CDH23: variants seen among roughly 807,000 people sequenced by gnomAD.
CDH23 encodes the protein cadherin related 23.
In CDH23, 189 loss-of-function variants were observed where a neutral mutation model predicts 317.1. That is an observed-to-expected ratio of 0.60 (90% CI 0.53 to 0.67). The LOEUF is 0.67. Among genes scored for constraint, CDH23 ranks in the 30% least tolerant of loss-of-function variants. The probability of loss-of-function intolerance (pLI) is 0.00; values close to 1 mark genes in which losing one functional copy is unlikely to be tolerated. For missense variants in CDH23, 4,401 were observed against 4,592.4 expected, an observed-to-expected ratio of 0.96 and a Z score of 1.20; for synonymous variants, 1,839 against 1,876.8, an observed-to-expected ratio of 0.98 and a Z score of 0.52.
intron 11 of CDH23, among the ~76,000 whole-genome samples, chr10:71,625,555 C>G (rs1305829031): frequency 6.6e-6 from 1 of 152,014 alleles, no homozygotes; most frequent in Non-Finnish European, 1.5e-5. Flanking sequence ...TATCCGTCAC[C>G]CTCATTTTCC....
At chr10:71,814,394 AAC>A (rs1589441392) in intron 69 of CDH23, among the ~76,000 whole-genome samples, 1 of 152,336 alleles carries the variant, frequency 6.6e-6, no homozygotes, top group Middle Eastern at 3.4e-3. Flanking sequence ...CAGCCTGGGC[AAC>A]AGAGAGAAAC....
At chr10:71,712,872 G>A (rs950530239) in intron 28 of CDH23, 59 bp downstream of exon 28, 88 of 1,565,436 alleles carry the variant, frequency 5.6e-5, no homozygotes, top group African/African-American at 2.8e-4. Flanking sequence ...AGCCACACAC[G>A]GCCCTGAGGG....
rs1450434480 is a variant in CDH23, at chr10:71,549,093, G to A, written c.430-17649G>A. Among the ~76,000 whole-genome samples, 3 of 152,212 alleles carry A rather than the reference G, an allele frequency of 2.0e-5. No homozygotes were observed. In the East Asian group the frequency reaches 5.8e-4, roughly 29 times the overall value. ...CAGAGCCCCCAGACACCCAAATGTG[G>A]ATATGGCCCACTACTGATCAGCCAG... On this transcript the variant is annotated intron_variant, in intron 6 of 69. Coordinates refer to ENST00000224721, the MANE Select transcript of CDH23 (RefSeq NM_022124.6).
intron 3 of CDH23, among the ~76,000 whole-genome samples, chr10:71,466,033 G>A (rs1002991006): frequency 1.3e-5 from 2 of 152,166 alleles, no homozygotes; most frequent in African/African-American, 2.4e-5. Flanking sequence ...CCCCAGGGAC[G>A]GCTTCAACGC....
intron 8 of CDH23, among the ~76,000 whole-genome samples, chr10:71,571,664 A>G (rs1196062662): frequency 6.6e-6 from 1 of 152,212 alleles, no homozygotes; most frequent in Admixed American, 6.5e-5. Flanking sequence ...ACTTGAATGC[A>G]ACACCGGCTG....
chr10:71,615,630 G>A lies in CDH23; in HGVS notation c.945+14G>A, dbSNP rs1456096272. 12 of 1,576,084 alleles carry A rather than the reference G, an allele frequency of 7.6e-6. No homozygotes were observed. The highest frequency in any genetic ancestry group is 1.0e-5 in the Non-Finnish European group (12 of 1,145,858). Reference sequence around the variant, plus strand: ...CTGACTGTGAAGGTGAGACCTGGGTGGGCACCTTCACCCCAGGTAGAGGAG... The same window carrying A: ...CTGACTGTGAAGGTGAGACCTGGGTAGGCACCTTCACCCCAGGTAGAGGAG... On this transcript the variant is annotated intron_variant, in intron 10 of 69. Coordinates refer to ENST00000224721, the MANE Select transcript of CDH23 (RefSeq NM_022124.6).
At chr10:71,734,133 G>C in intron 32 of CDH23, 107 bp from the exon 33 acceptor site, 2 of 899,976 alleles carry the variant, frequency 2.2e-6, no homozygotes, top group South Asian at 1.4e-5. Flanking sequence ...TCCTGGGGAA[G>C]TTATGCCGGA....
At chr10:71,451,645 G>T (rs761000281) in intron 3 of CDH23, among the ~76,000 whole-genome samples, 1 of 152,200 alleles carries the variant, frequency 6.6e-6, no homozygotes, top group Non-Finnish European at 1.5e-5. Flanking sequence ...TGGGGGTTAA[G>T]TGCTGCTCCC....
intron 11 of CDH23, among the ~76,000 whole-genome samples, chr10:71,630,531 G>A (rs767303131): frequency 2.4e-4 from 37 of 152,198 alleles, no homozygotes; most frequent in Non-Finnish European, 4.9e-4. Context: ...AAGAGTGACT[G>A]CACAAGGTTT....
At chr10:71,765,490 CTGA>C (rs1840514694) in intron 38 of CDH23, among the ~76,000 whole-genome samples, 1 of 152,144 alleles carries the variant, frequency 6.6e-6, no homozygotes, top group South Asian at 2.1e-4. Flanking sequence ...GGTTGTTGGC[CTGA>C]GTGTCCCTGT....
chr10:71,769,417 CTAA>C (rs1281723701), intron 38 of CDH23, among the ~76,000 whole-genome samples: 3 of 152,110 alleles, frequency 2.0e-5, no homozygotes, highest in Non-Finnish European at 4.4e-5. Context: ...TGGCTTTCCA[CTAA>C]TGACAGCGAT....
intron 38 of CDH23, among the ~76,000 whole-genome samples, chr10:71,746,310 C>A (rs1050679743): frequency 6.6e-6 from 1 of 152,220 alleles, no homozygotes; most frequent in Admixed American, 6.5e-5. Context: ...AAGAGAAATT[C>A]TCTGAGTCCC....
chr10:71,630,267 C>T (rs1459942094), intron 11 of CDH23, among the ~76,000 whole-genome samples: 1 of 152,138 alleles, frequency 6.6e-6, no homozygotes, highest in African/African-American at 2.4e-5. Context: ...TAAGATCATC[C>T]TGCCTTGGCC....
At position 71,811,768 on chromosome 10, in the gene CDH23, T is replaced by C. The variant is rs952227305; in HGVS notation, c.9319+15T>C. On this transcript the variant is annotated intron_variant, in intron 65 of 69. Transcript: ENST00000224721. ...TGGCTCAGCTGGTAAGTGAGGGCCA[T>C]AGTGGGGACACAGGTGAGAAGGCAG... 6.4e-6 allele frequency: 10 copies of C among 1,565,464 alleles called. No individual in the cohort carries two copies. The highest frequency in any genetic ancestry group is 1.4e-5 in the African/African-American group (1 of 73,514).
intron 3 of CDH23, among the ~76,000 whole-genome samples, chr10:71,469,784 T>C (rs1350879957): frequency 2.0e-5 from 3 of 152,132 alleles, no homozygotes; most frequent in African/African-American, 7.2e-5. Flanking sequence ...TTTGTATTTT[T>C]AGTAGAGATG....
intron 38 of CDH23, among the ~76,000 whole-genome samples, chr10:71,765,844 A>G (rs1840528272): frequency 6.6e-6 from 1 of 152,112 alleles, no homozygotes; most frequent in Non-Finnish European, 1.5e-5. Context: ...TTCAAGCAAG[A>G]GGGCCAGACA....
intron 3 of CDH23, among the ~76,000 whole-genome samples, chr10:71,473,203 C>T (rs1312049638): frequency 6.6e-6 from 1 of 152,214 alleles, no homozygotes; most frequent in Non-Finnish European, 1.5e-5. Context: ...CCGGAGTCTT[C>T]CCTACTGGAG....
intron 69 of CDH23, among the ~76,000 whole-genome samples, chr10:71,814,615 C>T (rs1188427084): frequency 1.3e-5 from 2 of 151,982 alleles, no homozygotes; most frequent in African/African-American, 4.8e-5. Flanking sequence ...GCCAAAATCG[C>T]GCCACTGCGA....
intron 38 of CDH23, among the ~76,000 whole-genome samples, chr10:71,768,303 T>G (rs1386482852): frequency 6.6e-6 from 1 of 152,150 alleles, no homozygotes; most frequent in Non-Finnish European, 1.5e-5. Flanking sequence ...CCCGAGTAGC[T>G]GGGACTACAG....
Sources: gnomAD v4.1 joint callset for allele counts (sites outside exome capture counted in the v4.1 genomes callset) on GRCh38, gnomAD v4.1.1 for gene constraint, MANE v1.5 for transcripts, NCBI Gene and HGNC (gene_info 2026-07-23, HGNC 2026-07-21) for gene names.